RP1L1: variants seen among roughly 807,000 people sequenced by gnomAD.
The protein encoded by RP1L1 is retinitis pigmentosa 1-like 1 protein.
RP1L1 carries 27 observed loss-of-function variants against 15.7 expected under a neutral mutation model. The observed-to-expected ratio is 1.72, with a 90% confidence interval of 1.27 to 2.38. RP1L1 has a LOEUF of 2.38. Ranked by LOEUF, RP1L1 falls within the 30% of genes most tolerant of loss-of-function variation. The pLI is 0.00. For missense variants in RP1L1, 4,798 were observed against 3,075.9 expected (o/e 1.56, Z -13.24); for synonymous variants, 1,813 against 1,276.7 (o/e 1.42, Z -8.96).
intron 3 of RP1L1, among the ~76,000 whole-genome samples, chr8:10,615,276 C>T (rs898552915): frequency 6.6e-6 from 1 of 152,202 alleles, no homozygotes; most frequent in African/African-American, 2.4e-5. Flanking sequence ...CCAAATTTTT[C>T]CATCATCAGA....
intron 3 of RP1L1, among the ~76,000 whole-genome samples, chr8:10,613,798 G>GA (rs974114070): frequency 7.6e-5 from 11 of 145,688 alleles, no homozygotes; most frequent in African/African-American, 1.8e-4. Flanking sequence ...AAAAAGAAAA[G>GA]AAAAAAAAAA....
Position 10,609,303 on chromosome 8 carries a change from G to T in RP1L1, c.4795C>A (p.Leu1599Met). The T allele has an allele frequency of 3.1e-6, 5 of 1,611,174 alleles. No individual in the cohort carries two copies. The highest frequency in any genetic ancestry group is 3.4e-6 in the Non-Finnish European group (4 of 1,179,714). The change falls in exon 4 of 4, where the codon CTG (leucine) becomes ATG (methionine). Residue 1599 changes from leucine to methionine, a missense_variant. Leu to Met is a conservative substitution (Grantham distance 15). Coordinates refer to ENST00000382483, the MANE Select transcript of RP1L1 (RefSeq NM_178857.6). ...CTGCGCTGCTGGGTCTGCAGGAGCA[G>T]CTCCCCGGTGAGGGCCTCCCTTGGA... ...EPPREALTGE[L>M]LLQTQQRRHR...
Position 10,609,343 on chromosome 8 carries a change from C to A in RP1L1, c.4755G>T (p.Arg1585Ser), listed in dbSNP as rs919697724. The change falls in exon 4 of 4, where the codon AGG (arginine) becomes AGT (serine). Residue 1585 changes from arginine to serine, a missense_variant. Coordinates refer to ENST00000382483, the MANE Select transcript of RP1L1 (RefSeq NM_178857.6). The stretch of plus-strand genomic sequence containing the variant: ...CCTCCCTTGGAGGCTCCAGCACCAT[C>A]CTACCCGCCCGGCCCTGGAGCTTCT... ...ELQKLQGRAG[R>S]MVLEPPREAL... 1.9e-6 allele frequency: 3 copies of A among 1,612,320 alleles called. No individual in the cohort carries two copies. The highest frequency in any genetic ancestry group is 1.1e-5 in the South Asian group (1 of 91,038).
At chr8:10,622,403 C>A (rs1798074671) in intron 2 of RP1L1, among the ~76,000 whole-genome samples, 190 bp downstream of exon 2, 1 of 151,508 alleles carries the variant, frequency 6.6e-6, no homozygotes, top group African/African-American at 2.4e-5. Flanking sequence ...CTAAATATAC[C>A]TAAAAACATG....
In RP1L1 at chr8:10,608,676, A is replaced by G; in HGVS notation, c.5422T>C (p.Ser1808Pro). The stretch of plus-strand genomic sequence containing the variant: ...CCCTGCAAGTTGTCCTCATGCCCAG[A>G]GCCTTGACCCCCAGTTTCTCCCCTT... ...SERGETGGQG[S>P]GHEDNLQGEA... is the part of the protein sequence containing the mutation. The change falls in exon 4 of 4, where the codon TCT (serine) becomes CCT (proline). Residue 1808 changes from serine (S) to proline (P), a missense_variant. Physicochemically the swap from Ser to Pro is moderately conservative, Grantham distance 74. Transcript: ENST00000382483. 1 of 1,614,158 alleles carries G rather than the reference A, an allele frequency of 6.2e-7. No homozygotes were observed. The highest frequency in any genetic ancestry group is 8.5e-7 in the Non-Finnish European group (1 of 1,180,042).
At chr8:10,626,962 A>G (rs1445076975) in intron 1 of RP1L1, among the ~76,000 whole-genome samples, 3 of 152,206 alleles carry the variant, frequency 2.0e-5, no homozygotes, top group Non-Finnish European at 4.4e-5. Context: ...ACCTCACACC[A>G]TTAGAACGGC....
In RP1L1 at chr8:10,608,498, G is replaced by C. The variant is rs886062577; in HGVS notation, c.5600C>G (p.Ala1867Gly). 6.1e-6 allele frequency: 8 copies of C among 1,311,182 alleles called. No homozygotes were observed. The African/African-American group carries it at 1.1e-4, about 18-fold the overall frequency. 81.2% of individuals were successfully genotyped at this position (1,311,182 alleles called of 1,614,324 possible). The change falls in exon 4 of 4, where the codon GCC becomes GGC. Residue 1867 changes from alanine to glycine, a missense_variant. Coordinates refer to ENST00000382483, the MANE Select transcript of RP1L1 (RefSeq NM_178857.6). Reference protein sequence around the residue: ...EGDAQEAEGEAQPESEDVEAP... With the variant: ...EGDAQEAEGEGQPESEDVEAP... The stretch of plus-strand genomic sequence containing the variant: ...CTCTACATCTTCTGACTCTGGCTGG[G>C]CCTCCCCTTCAGCCTCCTGGGCATC...
rs745628558 is a variant in RP1L1, at chr8:10,613,173, T to C, written c.925A>G (p.Met309Val). The C allele has an allele frequency of 2.5e-6, 4 of 1,613,626 alleles. No homozygotes were observed. The highest frequency in any genetic ancestry group is 3.4e-6 in the Non-Finnish European group (4 of 1,180,024). Residue 309 changes from methionine (M) to valine (V), a missense_variant, in exon 4 of 4, where the codon ATG (methionine) becomes GTG (valine). Met to Val is a conservative substitution (Grantham distance 21). Transcript: ENST00000382483. ...QSGPLVAGDD[M>V]KKKVRMNEDG... The stretch of plus-strand genomic sequence containing the variant: ...TCATTCATGCGGACCTTCTTCTTCA[T>C]GTCATCGCCAGCCACCAGCGGGCCC...
rs1468650257 is a variant in RP1L1, at chr8:10,644,507, G to A, written c.-20+10391C>T. Among the ~76,000 whole-genome samples the A allele has an allele frequency of 1.2e-4, 19 of 152,220 alleles. No individual in the cohort carries two copies. In the South Asian group the frequency reaches 3.9e-3, roughly 31 times the overall value. ...CTTAGCTGTGCAGAGAATTGTGATGGCTGAGAATTGATGCCATCACAAGGT... is the reference window on the plus strand; with the variant it reads ...CTTAGCTGTGCAGAGAATTGTGATGACTGAGAATTGATGCCATCACAAGGT... On this transcript the variant is annotated intron_variant, in intron 1 of 3. Transcript: ENST00000382483.
chr8:10,612,309 C>T lies in RP1L1; in HGVS notation c.1789G>A (p.Gly597Ser). 6.2e-7 allele frequency: 1 copy of T among 1,613,244 alleles called. No homozygotes were observed. The highest frequency in any genetic ancestry group is 1.1e-5 in the South Asian group (1 of 91,088). The part of the protein sequence containing the change: ...DDLQAETQGQ[G>S]TEQATGAAVT... The stretch of plus-strand genomic sequence containing the variant: ...GCCGCTCCCGTGGCCTGCTCGGTGC[C>T]CTGTCCTTGCGTCTCTGCCTGCAGG... Residue 597 changes from glycine to serine, a missense_variant, in exon 4 of 4, where the codon GGC becomes AGC. Transcript: ENST00000382483.
intron 1 of RP1L1, among the ~76,000 whole-genome samples, chr8:10,640,823 T>A (rs2117256640): frequency 6.6e-6 from 1 of 152,086 alleles, no homozygotes; most frequent in East Asian, 1.9e-4. Flanking sequence ...CAAGCTGGAG[T>A]ACAATGGCGT....
chr8:10,629,839 GT>G (rs1445509760), intron 1 of RP1L1, among the ~76,000 whole-genome samples: 1 of 150,432 alleles, frequency 6.6e-6, no homozygotes, highest in Non-Finnish European at 1.5e-5. Flanking sequence ...GGGCCCTGGA[GT>G]TTGACTGAGA....
In RP1L1 at chr8:10,610,633, C is replaced by T. The variant is rs780524435; in HGVS notation, c.3465G>A (p.Lys1155=). ...CAACGTCACATCCTGGCCACAGGTC[C>T]TTCGAGATGCTGAGCAGCTCCTGGT... ...PRYQELLSIS[K]DLWPGCDVGE... Residue 1155 remains lysine (K), a synonymous_variant, in exon 4 of 4, where the codon AAG becomes AAA. Transcript: ENST00000382483. 2.8e-5 allele frequency: 45 copies of T among 1,612,200 alleles called. 1 individual carries two copies. In the South Asian group the frequency reaches 4.6e-4, roughly 17 times the overall value.
At chr8:10,621,682 G>C in intron 2 of RP1L1, 1 of 487,426 alleles carries the variant, frequency 2.1e-6, no homozygotes, top group Admixed American at 2.1e-5. Flanking sequence ...AGGAGCAACA[G>C]GACTGAATCT....
At chr8:10,632,736 A>T (rs1798271162) in intron 1 of RP1L1, among the ~76,000 whole-genome samples, 1 of 152,226 alleles carries the variant, frequency 6.6e-6, no homozygotes, top group South Asian at 2.1e-4. Context: ...ACGGATCAAC[A>T]TTCATCCAAC....
At chr8:10,637,487 T>G (rs1320689934) in intron 1 of RP1L1, among the ~76,000 whole-genome samples, 3 of 152,292 alleles carry the variant, frequency 2.0e-5, no homozygotes, top group Non-Finnish European at 4.4e-5. Context: ...GGCATATGTC[T>G]AAAGTCCCAC....
At chr8:10,621,386 T>G (rs1259383378) in intron 2 of RP1L1, 1 of 255,532 alleles carries the variant, frequency 3.9e-6, no homozygotes, top group Non-Finnish European at 7.7e-6. Context: ...CAGTACAGTG[T>G]ATGATCTTGG....
chr8:10,629,010 C>A (rs1325025318), intron 1 of RP1L1, among the ~76,000 whole-genome samples: 1 of 152,218 alleles, frequency 6.6e-6, no homozygotes, highest in Non-Finnish European at 1.5e-5. Context: ...GTCTGGTGCA[C>A]CTCTGGCCCT....
At position 10,610,558 on chromosome 8, in the gene RP1L1, A is replaced by G. The variant is rs1220242779; in HGVS notation, c.3540T>C (p.Ala1180=). Residue 1180 remains alanine, a synonymous_variant, in exon 4 of 4, where the codon GCT becomes GCC. Coordinates refer to ENST00000382483, the MANE Select transcript of RP1L1 (RefSeq NM_178857.6). ...SGLWELTWSQ[A]LPDLGSHAMT... ...TGGCATGGGACCCAAGGTCTGGCAG[A>G]GCCTGGCTCCATGTGAGCTCCCAGA... 7 of 1,613,704 alleles carry G rather than the reference A, an allele frequency of 4.3e-6. No individual in the cohort carries two copies. The highest frequency in any genetic ancestry group is 5.1e-6 in the Non-Finnish European group (6 of 1,180,022).
Sources: allele counts gnomAD v4.1 joint callset (sites outside exome capture counted in the v4.1 genomes callset), GRCh38; gene constraint gnomAD v4.1.1; transcripts MANE v1.5; gene names NCBI Gene and HGNC (gene_info 2026-07-23, HGNC 2026-07-21).